Variants in MOCOS observed in about 807,000 individuals in gnomAD.
MOCOS encodes human molybdenum cofactor sulfurase.
MOCOS carries 86 observed loss-of-function variants against 83.6 expected under a neutral mutation model. The ratio of observed to expected loss-of-function variants is 1.03; its 90% CI spans 0.86 to 1.23. The LOEUF (loss-of-function observed/expected upper bound fraction) is 1.23, where lower values mean the gene tolerates loss of function less well. Among genes scored for constraint, MOCOS ranks in the 50% most tolerant of loss-of-function variants. MOCOS has a pLI of 0.00. For missense variants in MOCOS, 1,120 were observed against 1,126.9 expected (o/e 0.99, Z 0.09); for synonymous variants, 445 against 434.7 (o/e 1.02, Z -0.29).
intron 9 of MOCOS, 52 bp downstream of exon 9, chr18:36,220,269 ATT>A (rs2091491184): frequency 6.2e-7 from 1 of 1,602,708 alleles, no homozygotes; most frequent in African/African-American, 1.3e-5. Flanking sequence ...CAGCTTTTAT[ATT>A]CATATGAAAT....
At chr18:36,194,749 G>A (rs1310766014) in intron 1 of MOCOS, among the ~76,000 whole-genome samples, 2 of 152,170 alleles carry the variant, frequency 1.3e-5, no homozygotes, top group African/African-American at 2.4e-5. Context: ...TCAGTAATCC[G>A]CGGTATCTCA....
At chr18:36,205,055 T>C in intron 5 of MOCOS, 22 bp from the exon 6 acceptor site, 1 of 1,563,352 alleles carries the variant, frequency 6.4e-7, no homozygotes, top group South Asian at 1.1e-5. Flanking sequence ...ATGATTCTCT[T>C]GTGTTTCATG....
intron 5 of MOCOS, among the ~76,000 whole-genome samples, chr18:36,203,484 G>T (rs985834612): frequency 2.6e-5 from 4 of 152,202 alleles, no homozygotes; most frequent in Non-Finnish European, 5.9e-5. Flanking sequence ...TGGGTCCTGG[G>T]AATGGTTACA....
At position 36,271,521 on chromosome 18, in the gene MOCOS, G is replaced by C. The variant is rs1471534272; in HGVS notation, c.*2836G>C. 6.6e-6 allele frequency: 1 copy of C among 151,890 alleles called. No homozygotes were observed. Among genetic ancestry groups the C allele is most frequent in the Non-Finnish European group, 1.5e-5 (1 of 67,978 alleles). 9.4% of individuals were successfully genotyped at this position (151,890 alleles called of 1,614,324 possible). Reference sequence around the variant, plus strand: ...TTTATGATTTTATGTCCCCTCCTTGGTTCTTATCTCCTGGAGTTCAGCCTT... The same window carrying C: ...TTTATGATTTTATGTCCCCTCCTTGCTTCTTATCTCCTGGAGTTCAGCCTT... On this transcript the variant is annotated 3_prime_UTR_variant, in exon 15 of 15. Transcript: ENST00000261326.
intron 8 of MOCOS, among the ~76,000 whole-genome samples, chr18:36,216,319 G>T (rs2091476274): frequency 6.6e-6 from 1 of 152,190 alleles, no homozygotes; most frequent in African/African-American, 2.4e-5. Context: ...GAGGTAGATA[G>T]TAATATTATC....
At chr18:36,220,357 AATT>A (rs1480321875) in intron 9 of MOCOS, 140 bp downstream of exon 9, 12 of 1,177,244 alleles carry the variant, frequency 1.0e-5, no homozygotes, top group African/African-American at 3.1e-5. Context: ...AAAAAAAAAA[AATT>A]ATCCTGGGTG....
In MOCOS at chr18:36,215,697, G is replaced by A; in HGVS notation, c.1517G>A (p.Gly506Glu). The A allele has an allele frequency of 6.2e-7, 1 of 1,614,164 alleles. No individual in the cohort carries two copies. The highest frequency in any genetic ancestry group is 8.5e-7 in the Non-Finnish European group (1 of 1,180,026). The part of the protein sequence containing the change: ...WPVPQAHADT[G>E]ETGAPSADSQ... ...GTCCCTCAGGCCCATGCTGACACCG[G>A]GGAGACTGGAGCCCCATCAGCAGAC... Residue 506 changes from glycine to glutamate, a missense_variant, in exon 8 of 15, where the codon GGG (glycine) becomes GAG (glutamate). By Grantham distance (98) the Gly-to-Glu change is moderately conservative (BLOSUM62 -2). Transcript: ENST00000261326.
chr18:36,195,491 A>G, intron 2 of MOCOS, 145 bp downstream of exon 2: 1 of 739,464 alleles, frequency 1.4e-6, no homozygotes, highest in Non-Finnish European at 2.3e-6. Flanking sequence ...CCAGGCAAGC[A>G]CCCTGGGTCA....
intron 1 of MOCOS, among the ~76,000 whole-genome samples, chr18:36,193,134 A>AC (rs1363169422): frequency 1.3e-4 from 18 of 141,450 alleles, no homozygotes; most frequent in Non-Finnish European, 2.6e-4. Flanking sequence ...ACAAGGCGAA[A>AC]CCCCGTCTCT....
intron 1 of MOCOS, among the ~76,000 whole-genome samples, 159 bp downstream of exon 1, chr18:36,187,840 C>T (rs1454598045): frequency 6.6e-6 from 1 of 152,188 alleles, no homozygotes; most frequent in Non-Finnish European, 1.5e-5. Flanking sequence ...GACACGGCTC[C>T]CTGAGGTCCC....
At chr18:36,255,446 CTT>C (rs1301779947) in intron 11 of MOCOS, among the ~76,000 whole-genome samples, 7 of 152,184 alleles carry the variant, frequency 4.6e-5, no homozygotes, top group African/African-American at 1.7e-4. Context: ...GCTTTAGAGA[CTT>C]TTATTTTCTC....
chr18:36,217,633 G>C (rs181913657), intron 8 of MOCOS, among the ~76,000 whole-genome samples: 1 of 152,060 alleles, frequency 6.6e-6, no homozygotes, highest in Non-Finnish European at 1.5e-5. Flanking sequence ...GTGGACAACC[G>C]CTCCTGCAAA....
chr18:36,238,222 T>A (rs11081938), intron 9 of MOCOS, among the ~76,000 whole-genome samples: 2 of 138,866 alleles, frequency 1.4e-5, no homozygotes, highest in African/African-American at 5.6e-5. Flanking sequence ...TTAATTGTGA[T>A]GTTAGGGTGT....
chr18:36,208,767 A>G (rs759621080), intron 6 of MOCOS, among the ~76,000 whole-genome samples: 8 of 152,158 alleles, frequency 5.3e-5, no homozygotes, highest in Admixed American at 2.0e-4. Context: ...TTCTCTTCCT[A>G]TTTGGATGTC....
chr18:36,194,423 C>T (rs1187294807), intron 1 of MOCOS, among the ~76,000 whole-genome samples: 1 of 152,122 alleles, frequency 6.6e-6, no homozygotes, highest in Non-Finnish European at 1.5e-5. Context: ...TATTAGTGTA[C>T]AATGTTTATT....
chr18:36,216,919 G>A (rs2091478062), intron 8 of MOCOS, among the ~76,000 whole-genome samples: 1 of 152,148 alleles, frequency 6.6e-6, no homozygotes, highest in Non-Finnish European at 1.5e-5. Flanking sequence ...TGGTCCTGAG[G>A]CATTCCTACC....
At chr18:36,233,878 G>C (rs912111485) in intron 9 of MOCOS, among the ~76,000 whole-genome samples, 2 of 148,758 alleles carry the variant, frequency 1.3e-5, no homozygotes, top group African/African-American at 2.5e-5. Flanking sequence ...TTTTTGATGA[G>C]ATTATTTGGT....
chr18:36,204,008 A>G (rs2091424924), intron 5 of MOCOS, among the ~76,000 whole-genome samples: 1 of 152,238 alleles, frequency 6.6e-6, no homozygotes, highest in African/African-American at 2.4e-5. Flanking sequence ...CCAGTCCACA[A>G]TATGGCAAAC....
chr18:36,188,063 C>T (rs1256210549), intron 1 of MOCOS, among the ~76,000 whole-genome samples: 1 of 152,188 alleles, frequency 6.6e-6, no homozygotes, highest in East Asian at 1.9e-4. Flanking sequence ...TTCGGATGTC[C>T]TCCCGAGGTA....
Sources: allele counts gnomAD v4.1 joint callset (sites outside exome capture counted in the v4.1 genomes callset), GRCh38; gene constraint gnomAD v4.1.1; transcripts MANE v1.5; gene names NCBI Gene and HGNC (gene_info 2026-07-23, HGNC 2026-07-21).